Variants in NLGN1 observed in about 807,000 individuals in gnomAD.
NLGN1 encodes neuroligin 1.
NLGN1 carries 12 observed loss-of-function variants against 65.5 expected under a neutral mutation model. The observed-to-expected ratio is 0.18, with a 90% CI of 0.12 to 0.30. The LOEUF (loss-of-function observed/expected upper bound fraction) is 0.30, where lower values mean the gene tolerates loss of function less well. Ranked by LOEUF, NLGN1 falls within the 10% of genes least tolerant of loss-of-function variation. NLGN1 has a pLI of 1.00. For missense variants in NLGN1, 750 were observed against 1,007.1 expected, an observed-to-expected ratio of 0.74 and a Z score of 3.46; for synonymous variants, 350 against 359.5, an observed-to-expected ratio of 0.97 and a Z score of 0.30.
chr3:174,040,247 C>G (rs1294532978), intron 4 of NLGN1, among the ~76,000 whole-genome samples: 3 of 151,994 alleles, frequency 2.0e-5, no homozygotes, highest in African/African-American at 7.3e-5. Context: ...CTGATTAACT[C>G]TGTGTGTTAC....
chr3:173,645,757 GA>G (rs1233075140), intron 3 of NLGN1, among the ~76,000 whole-genome samples: 1 of 152,140 alleles, frequency 6.6e-6, no homozygotes, highest in Non-Finnish European at 1.5e-5. Context: ...GAATGAGGGA[GA>G]AAAAAAGAGG....
At chr3:173,755,681 A>G (rs1776991270) in intron 3 of NLGN1, among the ~76,000 whole-genome samples, 1 of 152,066 alleles carries the variant, frequency 6.6e-6, no homozygotes, top group Non-Finnish European at 1.5e-5. Context: ...AAATGGCAAG[A>G]CTAATTAATA....
chr3:173,740,634 C>G (rs6445117), intron 3 of NLGN1, among the ~76,000 whole-genome samples: 1 of 151,712 alleles, frequency 6.6e-6, no homozygotes, highest in South Asian at 2.1e-4. Context: ...AAAATTACAG[C>G]GAGGTTTAGA....
intron 2 of NLGN1, among the ~76,000 whole-genome samples, chr3:173,527,279 CAT>C (rs1317197147): frequency 3.3e-5 from 5 of 152,188 alleles, no homozygotes; most frequent in African/African-American, 1.2e-4. Flanking sequence ...AGTATCTCAT[CAT>C]AGTTTTGATT....
intron 5 of NLGN1, among the ~76,000 whole-genome samples, chr3:174,278,060 T>C (rs1750914037): frequency 6.6e-6 from 1 of 152,014 alleles, no homozygotes; most frequent in African/African-American, 2.4e-5. Context: ...TCATTTACAA[T>C]TCTTAAATGC....
chr3:173,997,449 G>C (rs555166771), intron 4 of NLGN1, among the ~76,000 whole-genome samples: 12 of 152,208 alleles, frequency 7.9e-5, no homozygotes, highest in African/African-American at 2.9e-4. Flanking sequence ...ATTTTTTAAG[G>C]TGACTTTTAA....
intron 4 of NLGN1, among the ~76,000 whole-genome samples, chr3:174,075,979 T>C (rs1278876037): frequency 6.6e-6 from 1 of 152,174 alleles, no homozygotes; most frequent in Non-Finnish European, 1.5e-5. Context: ...GTAATTAAAC[T>C]AGGCGACATC....
chr3:173,955,925 A>G lies in NLGN1; in HGVS notation c.646+148093A>G, dbSNP rs1711901889. The stretch of plus-strand genomic sequence containing the variant: ...GGTACAATTAGAGGTCATTCCGAAT[A>G]CACAAGAATACATATAGTTTAACGT... On this transcript the variant is annotated intron_variant, in intron 4 of 6. Coordinates refer to ENST00000457714, the Ensembl canonical transcript of NLGN1. 2.0e-5 allele frequency among the ~76,000 whole-genome samples: 3 copies of G among 152,150 alleles called. No individual in the cohort carries two copies. The South Asian group carries it at 6.2e-4, about 31-fold the overall frequency.
At chr3:174,080,567 T>C (rs997327382) in intron 4 of NLGN1, among the ~76,000 whole-genome samples, 1 of 152,146 alleles carries the variant, frequency 6.6e-6, no homozygotes, top group African/African-American at 2.4e-5. Context: ...GTGGGCTGTC[T>C]GCAAGTTCAG....
chr3:173,859,841 G>C (rs566736495), intron 4 of NLGN1, among the ~76,000 whole-genome samples: 4 of 151,886 alleles, frequency 2.6e-5, no homozygotes, highest in East Asian at 3.9e-4. Flanking sequence ...CATCCATTTT[G>C]TCTAAATTTT....
chr3:173,635,620 G>T (rs182883227), intron 3 of NLGN1, among the ~76,000 whole-genome samples: 4 of 152,064 alleles, frequency 2.6e-5, no homozygotes, highest in Admixed American at 6.6e-5. Flanking sequence ...TGATCACCCG[G>T]CCAGGAACTA....
chr3:174,260,283 TA>T (rs1232654318), intron 4 of NLGN1, among the ~76,000 whole-genome samples: 2 of 149,128 alleles, frequency 1.3e-5, no homozygotes, highest in East Asian at 3.9e-4. Flanking sequence ...ATGTTTGAAC[TA>T]GTTTACAGTC....
In NLGN1 at chr3:173,512,169, G is replaced by T. The variant is rs559185640; in HGVS notation, c.-321+77091G>T. ...ATCTGTAGACAGCAGTGTGTTATCA[G>T]CTCAGTGGGCCCTTTGTCTTGTAGC... On this transcript the variant is annotated intron_variant, in intron 2 of 6. Coordinates refer to ENST00000457714, the Ensembl canonical transcript of NLGN1. Among the ~76,000 whole-genome samples the T allele has an allele frequency of 5.3e-5, 8 of 152,334 alleles. No individual in the cohort carries two copies. The East Asian group carries it at 1.5e-3, about 29-fold the overall frequency.
intron 2 of NLGN1, among the ~76,000 whole-genome samples, chr3:173,496,255 A>G (rs1322330650): frequency 6.6e-6 from 1 of 151,784 alleles, no homozygotes; most frequent in African/African-American, 2.4e-5. Context: ...TGGGCTCTTA[A>G]GTGATGCCAA....
intron 4 of NLGN1, among the ~76,000 whole-genome samples, chr3:174,128,072 A>G (rs2152664191): frequency 6.6e-6 from 1 of 152,304 alleles, no homozygotes; most frequent in East Asian, 1.9e-4. Context: ...CACTGAATGA[A>G]TGACTTAATG....
intron 2 of NLGN1, among the ~76,000 whole-genome samples, chr3:173,468,799 C>T (rs1477372719): frequency 6.6e-6 from 1 of 151,936 alleles, no homozygotes; most frequent in East Asian, 1.9e-4. Flanking sequence ...GTTGAATCAA[C>T]TCAGTTTCAT....
chr3:173,746,684 A>G (rs1283395455), intron 3 of NLGN1, among the ~76,000 whole-genome samples: 1 of 151,998 alleles, frequency 6.6e-6, no homozygotes, highest in African/African-American at 2.4e-5. Context: ...TTATTTATGT[A>G]ATTATTTGTT....
chr3:173,771,237 C>T (rs535242352), intron 3 of NLGN1, among the ~76,000 whole-genome samples: 1 of 152,252 alleles, frequency 6.6e-6, no homozygotes, highest in Admixed American at 6.5e-5. Flanking sequence ...CATCTGTGAG[C>T]ACATGGGGAA....
intron 4 of NLGN1, among the ~76,000 whole-genome samples, chr3:174,090,712 G>C: frequency 6.6e-6 from 1 of 151,054 alleles, no homozygotes; most frequent in South Asian, 2.1e-4. Context: ...GTACGTGACG[G>C]AAGGTGAAAT....
Sources: gnomAD v4.1 joint callset for allele counts (sites outside exome capture counted in the v4.1 genomes callset) on GRCh38, gnomAD v4.1.1 for gene constraint, MANE v1.5 for transcripts, NCBI Gene and HGNC (gene_info 2026-07-23, HGNC 2026-07-21) for gene names.